Variants in RPE observed in about 807,000 individuals in gnomAD.
The protein encoded by RPE is ribulose-5-phosphate-3-epimerase.
A neutral mutation model predicts 24.6 loss-of-function variants in RPE; 16 were observed. That is an observed-to-expected ratio of 0.65 (90% CI 0.44 to 0.99). The LOEUF (loss-of-function observed/expected upper bound fraction) is 0.99. Ranked by LOEUF, RPE falls within the 50% of genes least tolerant of loss-of-function variation. The probability of loss-of-function intolerance (pLI) is 0.00; values close to 1 mark genes in which losing one functional copy is unlikely to be tolerated. For synonymous variants in RPE, 93 were observed against 98.4 expected (o/e 0.94, Z 0.33); for missense variants, 240 against 294.5 (o/e 0.81, Z 1.35).
chr2:210,018,233 G>A lies in RPE; in HGVS notation c.564+674G>A, dbSNP rs1341984903. On this transcript the variant is annotated intron_variant, in intron 5 of 5. Transcript: ENST00000359429. ...TACGGAATTAAAAGGTACTACCAAG[G>A]GGGGAAAATAGATAAATCTAATTGA... 4.6e-6 allele frequency: 7 copies of A among 1,526,486 alleles called. No individual in the cohort carries two copies. In the Admixed American group the frequency reaches 8.2e-5, roughly 18 times the overall value. 94.6% of individuals were successfully genotyped at this position (1,526,486 alleles called of 1,614,324 possible).
intron 1 of RPE, among the ~76,000 whole-genome samples, chr2:210,007,420 T>C (rs993299202): frequency 2.0e-5 from 3 of 152,216 alleles, no homozygotes; most frequent in Non-Finnish European, 4.4e-5. Flanking sequence ...TTGTAATTTA[T>C]TTCCCATCCT....
chr2:210,002,753 C>G lies in RPE; in HGVS notation c.92C>G (p.Ala31Gly). The G allele has an allele frequency of 6.2e-7, 1 of 1,614,148 alleles. No homozygotes were observed. The highest frequency in any genetic ancestry group is 1.1e-5 in the South Asian group (1 of 91,078). ...TGCCTCCGGATGCTAGACTCTGGGGCCGATTATCTGCACCTGGACGTAATG... is the reference window on the plus strand; with the variant it reads ...TGCCTCCGGATGCTAGACTCTGGGGGCGATTATCTGCACCTGGACGTAATG... ...AECLRMLDSG[A>G]DYLHLDVMDG... The change falls in exon 1 of 6, where the codon GCC (alanine) becomes GGC (glycine). Residue 31 changes from alanine (A) to glycine (G), a missense_variant. Ala to Gly is a moderately conservative substitution (Grantham distance 60, BLOSUM62 0). Transcript: ENST00000359429.
At chr2:210,019,392 A>G (rs1261601620) in intron 5 of RPE, among the ~76,000 whole-genome samples, 1 of 152,188 alleles carries the variant, frequency 6.6e-6, no homozygotes, top group Non-Finnish European at 1.5e-5. Flanking sequence ...ACCTTATCTA[A>G]AGGTCGCAAA....
intron 1 of RPE, among the ~76,000 whole-genome samples, chr2:210,004,184 T>C (rs2093600172): frequency 6.6e-6 from 1 of 152,210 alleles, no homozygotes; most frequent in Admixed American, 6.5e-5. Context: ...CAGCTATGTG[T>C]ATATTTGTGA....
chr2:210,002,828 G>T, intron 1 of RPE, 45 bp downstream of exon 1: 1 of 1,614,006 alleles, frequency 6.2e-7, no homozygotes. Flanking sequence ...CGGCGGGGCG[G>T]ATCAGTGCAC....
intron 1 of RPE, among the ~76,000 whole-genome samples, chr2:210,006,786 C>T (rs966494484): frequency 2.0e-5 from 3 of 152,238 alleles, no homozygotes; most frequent in Non-Finnish European, 1.5e-5. Flanking sequence ...TAAACACATG[C>T]ATCTTATCCA....
At chr2:210,017,911 A>T in intron 5 of RPE, 1 of 528,622 alleles carries the variant, frequency 1.9e-6, no homozygotes, top group East Asian at 3.6e-5. Context: ...TGCTTGGCTA[A>T]TTTTTTTATT....
At chr2:210,012,970 A>G (rs764611734) in intron 2 of RPE, among the ~76,000 whole-genome samples, 1 of 152,262 alleles carries the variant, frequency 6.6e-6, no homozygotes, top group Non-Finnish European at 1.5e-5. Context: ...ATGGGTTTTA[A>G]TGTAACAAAG....
chr2:210,010,418 G>A (rs2093684327), intron 2 of RPE, among the ~76,000 whole-genome samples: 1 of 152,052 alleles, frequency 6.6e-6, no homozygotes, highest in African/African-American at 2.4e-5. Flanking sequence ...TATAAATAGT[G>A]TTATTTATTT....
chr2:210,009,437 A>G (rs551479003), intron 1 of RPE, among the ~76,000 whole-genome samples: 14 of 152,336 alleles, frequency 9.2e-5, no homozygotes, highest in African/African-American at 3.4e-4. Flanking sequence ...TCAAATCATT[A>G]TGAAAATATA....
chr2:210,002,648 T>A lies in RPE; in HGVS notation c.-14T>A. The A allele has an allele frequency of 6.2e-7, 1 of 1,610,762 alleles. No individual in the cohort carries two copies. Among genetic ancestry groups the A allele is most frequent in the South Asian group, 1.1e-5 (1 of 90,974 alleles). On this transcript the variant is annotated 5_prime_UTR_variant, in exon 1 of 6. Coordinates refer to ENST00000359429, the MANE Select transcript of RPE (RefSeq NM_199229.3). ...CGGGGACTCGTGGGTAACTTGCTTT[T>A]GGGAGCCAGCGGTATGGCGTCGGGC...
At position 210,020,426 on chromosome 2, in the gene RPE, C is replaced by T. The variant is rs947008174; in HGVS notation, c.*635C>T. 1.8e-5 allele frequency: 3 copies of T among 166,844 alleles called. No homozygotes were observed. The highest frequency in any genetic ancestry group is 4.8e-5 in the African/African-American group (2 of 41,426). 10.3% of individuals were successfully genotyped at this position (166,844 alleles called of 1,614,324 possible). A position where few individuals can be genotyped will look rare whatever the true frequency, so the allele number is the denominator to read the frequency against. ...GATTCCTCCCCACCATTCTTAAGAACGTTAAATAATGCTGTTGTGTTAGCT... is the reference window on the plus strand; with the variant it reads ...GATTCCTCCCCACCATTCTTAAGAATGTTAAATAATGCTGTTGTGTTAGCT... On this transcript the variant is annotated 3_prime_UTR_variant, in exon 6 of 6. Transcript: ENST00000359429.
At chr2:210,010,675 TA>T (rs2093688001) in intron 2 of RPE, among the ~76,000 whole-genome samples, 7 of 152,196 alleles carry the variant, frequency 4.6e-5, no homozygotes, top group Non-Finnish European at 8.8e-5. Context: ...ATGGTAGTCA[TA>T]AGCCACATGT....
chr2:210,016,902 A>T (rs2093779691), intron 4 of RPE, among the ~76,000 whole-genome samples: 1 of 152,148 alleles, frequency 6.6e-6, no homozygotes, highest in African/African-American at 2.4e-5. Flanking sequence ...GGAATGCAGT[A>T]ATTCAATTAG....
At chr2:210,014,873 C>A (rs534960293) in intron 2 of RPE, among the ~76,000 whole-genome samples, 1 of 152,260 alleles carries the variant, frequency 6.6e-6, no homozygotes, top group South Asian at 2.1e-4. Context: ...ATCTATCAAA[C>A]ACAGGATTCT....
At chr2:210,004,861 G>A (rs917203851) in intron 1 of RPE, among the ~76,000 whole-genome samples, 1 of 152,132 alleles carries the variant, frequency 6.6e-6, no homozygotes, top group African/African-American at 2.4e-5. Flanking sequence ...ATTTACCATG[G>A]ATCAGAGTTT....
chr2:210,005,230 C>T (rs1218614260), intron 1 of RPE, among the ~76,000 whole-genome samples: 3 of 152,102 alleles, frequency 2.0e-5, no homozygotes, highest in Non-Finnish European at 4.4e-5. Context: ...CCCTTCCCTC[C>T]CAGGACTGCC....
rs184188011 is a variant in RPE, at chr2:210,021,809, T to C, written c.*2018T>C. The C allele has an allele frequency of 5.9e-5, 9 of 151,934 alleles. No homozygotes were observed. Among genetic ancestry groups the C allele is most frequent in the Admixed American group, 3.3e-4 (5 of 15,208 alleles). 9.4% of individuals were successfully genotyped at this position (151,934 alleles called of 1,614,324 possible). On this transcript the variant is annotated 3_prime_UTR_variant, in exon 6 of 6. Coordinates refer to ENST00000359429, the MANE Select transcript of RPE (RefSeq NM_199229.3). ...GGTTTAATAGCTTCAAAAGGAATTTTCTTTCATGTATACTCTTCAGTATCC... is the reference window on the plus strand; with the variant it reads ...GGTTTAATAGCTTCAAAAGGAATTTCCTTTCATGTATACTCTTCAGTATCC...
chr2:210,004,647 C>A (rs1005863611), intron 1 of RPE, among the ~76,000 whole-genome samples: 1 of 152,198 alleles, frequency 6.6e-6, no homozygotes, highest in African/African-American at 2.4e-5. Context: ...TTTCATGTCT[C>A]TCCTGCTACC....
Sources: gnomAD v4.1 joint callset for allele counts (sites outside exome capture counted in the v4.1 genomes callset) on GRCh38, gnomAD v4.1.1 for gene constraint, MANE v1.5 for transcripts, NCBI Gene and HGNC (gene_info 2026-07-23, HGNC 2026-07-21) for gene names.